PI4K2A: variants seen among roughly 807,000 people sequenced by gnomAD.
PI4K2A encodes phosphatidylinositol 4-kinase type 2-alpha.
Under a neutral mutation model 55.0 loss-of-function variants are expected in PI4K2A, and 20 were observed. The observed-to-expected ratio is 0.36, with a 90% confidence interval of 0.26 to 0.53. The LOEUF (loss-of-function observed/expected upper bound fraction) is 0.53, where lower values mean the gene tolerates loss of function less well. PI4K2A is among the 20% of genes least tolerant of loss of function. The pLI, the probability that PI4K2A is intolerant of heterozygous loss-of-function variation, is 0.91. For synonymous variants in PI4K2A, 235 were observed against 258.5 expected (o/e 0.91, Z 0.87); for missense variants, 463 against 637.1 (o/e 0.73, Z 2.94).
chr10:97,669,081 G>A (rs1198580909), intron 8 of PI4K2A, among the ~76,000 whole-genome samples: 1 of 152,142 alleles, frequency 6.6e-6, no homozygotes, highest in Non-Finnish European at 1.5e-5. Context: ...GGCCAGGGTG[G>A]TCTCAAACTC....
At chr10:97,649,916 G>A (rs1342483954) in intron 1 of PI4K2A, among the ~76,000 whole-genome samples, 2 of 151,976 alleles carry the variant, frequency 1.3e-5, no homozygotes, top group African/African-American at 2.4e-5. Flanking sequence ...AAGCCACCAT[G>A]CCCGGCCCAT....
chr10:97,666,152 A>G (rs1407412136), intron 6 of PI4K2A, among the ~76,000 whole-genome samples: 2 of 152,144 alleles, frequency 1.3e-5, no homozygotes, highest in African/African-American at 4.8e-5. Flanking sequence ...CAGAAGGACC[A>G]TCTCAGCGTC....
At chr10:97,654,352 T>A (rs2041542609) in intron 2 of PI4K2A, among the ~76,000 whole-genome samples, 2 of 152,334 alleles carry the variant, frequency 1.3e-5, no homozygotes, top group Admixed American at 6.5e-5. Flanking sequence ...GTTTTCTGAT[T>A]TGTAAGGCAG....
At chr10:97,641,254 C>A in intron 1 of PI4K2A, 77 bp downstream of exon 1, 1 of 1,087,784 alleles carries the variant, frequency 9.2e-7, no homozygotes, top group Non-Finnish European at 1.3e-6. Context: ...CTTCGCACAG[C>A]CAGAGGGAAA....
intron 1 of PI4K2A, among the ~76,000 whole-genome samples, chr10:97,649,910 C>T (rs537135883): frequency 9.9e-5 from 15 of 152,186 alleles, no homozygotes; most frequent in African/African-American, 3.1e-4. Context: ...AAGCGTAAGC[C>T]ACCATGCCCG....
intron 1 of PI4K2A, among the ~76,000 whole-genome samples, chr10:97,650,027 A>T (rs2041523196): frequency 6.6e-6 from 1 of 152,144 alleles, no homozygotes; most frequent in Admixed American, 6.6e-5. Context: ...ATTAGAGTTT[A>T]TGATGTTAAA....
rs2041609482 is a variant in PI4K2A at position 97,666,426 on chromosome 10, T to C, written c.1085-12T>C. On this transcript the variant is annotated splice_polypyrimidine_tract_variant and intron_variant, in intron 6 of 8. Coordinates refer to ENST00000370631, the Ensembl canonical transcript of PI4K2A. Reference sequence around the variant, plus strand: ...CAACACCAGCTTTGCCTTTGACTTTTCCTCTTTTCAGATCCTTTTTACTGG... The same window carrying C: ...CAACACCAGCTTTGCCTTTGACTTTCCCTCTTTTCAGATCCTTTTTACTGG... The C allele has an allele frequency of 6.2e-7, 1 of 1,610,502 alleles. No individual in the cohort carries two copies. Among genetic ancestry groups the C allele is most frequent in the African/African-American group, 1.3e-5 (1 of 74,636 alleles).
At chr10:97,641,781 G>A (rs1359910304) in intron 1 of PI4K2A, among the ~76,000 whole-genome samples, 1 of 152,160 alleles carries the variant, frequency 6.6e-6, no homozygotes, top group Non-Finnish European at 1.5e-5. Context: ...ACTTTTTGAC[G>A]ACTCCAAAGT....
At chr10:97,648,092 A>ATTTTTTTTTTTTTTT (rs11332690) in intron 1 of PI4K2A, among the ~76,000 whole-genome samples, 4 of 120,682 alleles carry the variant, frequency 3.3e-5, no homozygotes, top group Non-Finnish European at 5.0e-5. Context: ...CACTTAGCTA[A>ATTTTTTTTTTTTTTT]TTTTTTTTTT....
At chr10:97,672,710 G>A (rs1333187970) in intron 8 of PI4K2A, among the ~76,000 whole-genome samples, 2 of 145,020 alleles carry the variant, frequency 1.4e-5, no homozygotes, top group African/African-American at 5.1e-5. Flanking sequence ...GAATTGCCGA[G>A]TCAGAGGGTC....
At chr10:97,661,851 A>ATTTTTT (rs11293508) in intron 4 of PI4K2A, among the ~76,000 whole-genome samples, 1 of 126,030 alleles carries the variant, frequency 7.9e-6, no homozygotes. Context: ...TTCAGGTTTG[A>ATTTTTT]TTTTTTTTTT....
intron 1 of PI4K2A, among the ~76,000 whole-genome samples, chr10:97,643,091 A>C (rs1267785022): frequency 6.6e-6 from 1 of 151,394 alleles, no homozygotes. Flanking sequence ...CCAGGGCTCA[A>C]GGTCCTCCCA....
chr10:97,662,675 G>A (rs1323556762), intron 4 of PI4K2A, among the ~76,000 whole-genome samples: 1 of 152,136 alleles, frequency 6.6e-6, no homozygotes, highest in Non-Finnish European at 1.5e-5. Context: ...ACAGTGCTGG[G>A]CTCCACGTCC....
intron 1 of PI4K2A, among the ~76,000 whole-genome samples, chr10:97,645,945 A>G (rs1026127065): frequency 1.3e-5 from 2 of 151,950 alleles, no homozygotes; most frequent in African/African-American, 4.8e-5. Context: ...AAGGACTACT[A>G]TTTTCCTCCA....
exon 2 of PI4K2A, chr10:97,650,985 G>C: frequency 1.2e-6 from 2 of 1,614,002 alleles, no homozygotes; most frequent in Non-Finnish European, 1.7e-6. Flanking sequence ...AGCCCTATGG[G>C]CATCTTAATC....
Position 97,656,728 on chromosome 10 carries a change from C to G in PI4K2A, c.769-93C>G, listed in dbSNP as rs901432173. The G allele has an allele frequency of 6.1e-6, 7 of 1,150,998 alleles. No homozygotes were observed. The highest frequency in any genetic ancestry group is 8.9e-6 in the Non-Finnish European group (7 of 783,592). The allele number at this position is 1,150,998 out of a possible 1,614,324, so 71.3% of individuals were successfully genotyped here. Reference sequence around the variant, plus strand: ...AAGTTTTCCTTCTCTGATACAAACTCCATAGGGCCTTAATGGGTATCTGGC... The same window carrying G: ...AAGTTTTCCTTCTCTGATACAAACTGCATAGGGCCTTAATGGGTATCTGGC... On this transcript the variant is annotated intron_variant, in intron 3 of 8. Transcript: ENST00000370631. The surrounding 1 kb of genome is among the most constrained non-coding windows in gnomAD (Gnocchi z 4.5).
chr10:97,665,585 A>C (rs957303117), intron 6 of PI4K2A, among the ~76,000 whole-genome samples: 8 of 137,804 alleles, frequency 5.8e-5, no homozygotes, highest in African/African-American at 2.2e-4. Flanking sequence ...AGGGCTATTT[A>C]TTTTTTATTT....
intron 5 of PI4K2A, among the ~76,000 whole-genome samples, 160 bp from the exon 6 acceptor site, chr10:97,664,725 A>G (rs150344124): frequency 6.6e-6 from 1 of 152,374 alleles, no homozygotes; most frequent in Non-Finnish European, 1.5e-5. Context: ...AAATGTGCTA[A>G]GTTCAGATAA....
intron 1 of PI4K2A, among the ~76,000 whole-genome samples, chr10:97,646,362 G>T (rs34306134): frequency 0.023 from 3,494 of 151,638 alleles, 62 homozygotes; most frequent in Non-Finnish European, 0.035. Context: ...TTACAGGTGC[G>T]CCCACCACCA....
Sources: allele counts gnomAD v4.1 joint callset (sites outside exome capture counted in the v4.1 genomes callset), GRCh38; gene constraint gnomAD v4.1.1; non-coding constraint Gnocchi (gnomAD v3.1); transcripts MANE v1.5; gene names NCBI Gene and HGNC (gene_info 2026-07-23, HGNC 2026-07-21).